Variants in SUMF1 observed in about 807,000 individuals in gnomAD.
The protein encoded by SUMF1 is formylglycine-generating enzyme.
Under a neutral mutation model 47.6 loss-of-function variants are expected in SUMF1, and 48 were observed. The ratio of observed to expected loss-of-function variants is 1.01; its 90% CI spans 0.80 to 1.28. SUMF1 has a LOEUF of 1.28. Among genes scored for constraint, SUMF1 ranks in the 50% most tolerant of loss-of-function variants. SUMF1 has a pLI of 0.00. For missense variants in SUMF1, 571 were observed against 485.4 expected, an observed-to-expected ratio of 1.18 and a Z score of -1.66; for synonymous variants, 230 against 192.1, an observed-to-expected ratio of 1.20 and a Z score of -1.63.
intron 8 of SUMF1, among the ~76,000 whole-genome samples, chr3:4,300,989 A>C (rs1697950517): frequency 7.9e-6 from 1 of 126,992 alleles, no homozygotes; most frequent in African/African-American, 3.1e-5. Flanking sequence ...TTCTCTATCT[A>C]TCTATCTCCC....
chr3:4,050,748 CAAAAA>C (rs34228101), intron 9 of SUMF1, among the ~76,000 whole-genome samples: 8 of 86,984 alleles, frequency 9.2e-5, no homozygotes, highest in Admixed American at 1.3e-4. Context: ...GACCCTGTCT[CAAAAA>C]AAAAAAAAAA....
intron 8 of SUMF1, among the ~76,000 whole-genome samples, chr3:4,149,144 T>A (rs1288661199): frequency 6.6e-6 from 1 of 152,116 alleles, no homozygotes; most frequent in East Asian, 1.9e-4. Flanking sequence ...CGTTTTGCCC[T>A]ACAGAGAGGT....
chr3:4,036,849 C>CAAAAAAAAAAAAAAAAA, intron 9 of SUMF1, among the ~76,000 whole-genome samples: 1 of 75,144 alleles, frequency 1.3e-5, no homozygotes. Flanking sequence ...GTCAGTGAGG[C>CAAAAAAAAAAAAAAAAA]AAAAAAAAAA....
intron 7 of SUMF1, among the ~76,000 whole-genome samples, chr3:4,398,427 CA>C (rs1298439958): frequency 6.6e-6 from 1 of 151,880 alleles, no homozygotes; most frequent in Non-Finnish European, 1.5e-5. Context: ...AATTTGGTAA[CA>C]AAAAAAGATA....
At chr3:4,071,733 C>G (rs1489998694) in intron 8 of SUMF1, among the ~76,000 whole-genome samples, 1 of 152,200 alleles carries the variant, frequency 6.6e-6, no homozygotes, top group African/African-American at 2.4e-5. Context: ...GCAAGGCTGA[C>G]TGCCTCTCTA....
intron 8 of SUMF1, among the ~76,000 whole-genome samples, chr3:4,072,535 A>C (rs111594297): frequency 0.1 from 15,324 of 152,004 alleles, 1,553 homozygotes; most frequent in African/African-American, 0.23. Flanking sequence ...CAAACTTATC[A>C]GAGCTAAAGG....
At chr3:4,374,799 T>A (rs1416863920) in intron 8 of SUMF1, among the ~76,000 whole-genome samples, 1 of 152,138 alleles carries the variant, frequency 6.6e-6, no homozygotes, top group East Asian at 1.9e-4. Context: ...GATTAAAGAC[T>A]CTGATGTATA....
Position 4,254,383 on chromosome 3 carries a change from G to T in SUMF1, c.1014+121947C>A, listed in dbSNP as rs1270913859. The stretch of plus-strand genomic sequence containing the variant: ...ACTTTGAAAAAAAATTTAGAAGAAT[G>T]TATAACTAGAATAACCAATACAGAG... On this transcript the variant is annotated intron_variant and NMD_transcript_variant, in intron 8 of 12. Coordinates refer to the SUMF1 transcript ENST00000448413. 1.3e-4 allele frequency among the ~76,000 whole-genome samples: 20 copies of T among 151,242 alleles called. No individual in the cohort carries two copies. The Middle Eastern group carries it at 0.01, about 77-fold the overall frequency.
chr3:4,091,937 C>A (rs557453136), intron 8 of SUMF1, among the ~76,000 whole-genome samples: 21 of 151,912 alleles, frequency 1.4e-4, no homozygotes, highest in Non-Finnish European at 2.6e-4. Flanking sequence ...TACTTGGACC[C>A]CCCTCAAAGG....
intron 8 of SUMF1, chr3:4,317,300 C>A: frequency 8.0e-7 from 1 of 1,249,540 alleles, no homozygotes; most frequent in Non-Finnish European, 1.1e-6. Flanking sequence ...TCCAAAACCG[C>A]AGTTAGTTTT....
intron 8 of SUMF1, among the ~76,000 whole-genome samples, chr3:4,200,814 G>T (rs1278342912): frequency 6.6e-6 from 1 of 152,050 alleles, no homozygotes; most frequent in Non-Finnish European, 1.5e-5. Context: ...ATGTTTTTCT[G>T]CTGAATTACC....
chr3:4,112,237 G>T (rs1375741214), intron 8 of SUMF1, among the ~76,000 whole-genome samples: 1 of 152,104 alleles, frequency 6.6e-6, no homozygotes, highest in Non-Finnish European at 1.5e-5. Flanking sequence ...TAGTACACCA[G>T]ATACATAAAA....
intron 8 of SUMF1, among the ~76,000 whole-genome samples, chr3:4,143,598 A>G (rs1010996309): frequency 1.9e-4 from 29 of 152,144 alleles, no homozygotes; most frequent in African/African-American, 7.0e-4. Context: ...CTCTCTGTGA[A>G]CTAAAAACCC....
intron 8 of SUMF1, among the ~76,000 whole-genome samples, chr3:4,234,711 A>C (rs1696372014): frequency 6.6e-6 from 1 of 152,144 alleles, no homozygotes; most frequent in Non-Finnish European, 1.5e-5. Context: ...GGAGAAGGGA[A>C]TATCTCAGCC....
intron 3 of SUMF1, among the ~76,000 whole-genome samples, chr3:4,421,084 C>T: frequency 6.6e-6 from 1 of 152,188 alleles, no homozygotes; most frequent in Non-Finnish European, 1.5e-5. Flanking sequence ...TTAACTCCTA[C>T]TTTATGGTTC....
chr3:4,216,308 T>C (rs1695922409), intron 8 of SUMF1, among the ~76,000 whole-genome samples: 1 of 152,216 alleles, frequency 6.6e-6, no homozygotes, highest in Admixed American at 6.5e-5. Context: ...CCCTATTTAA[T>C]GAATGGTGTT....
At chr3:4,372,806 T>A (rs1416622347) in intron 8 of SUMF1, among the ~76,000 whole-genome samples, 3 of 152,256 alleles carry the variant, frequency 2.0e-5, no homozygotes, top group Non-Finnish European at 4.4e-5. Context: ...TAGTAAAAGC[T>A]GTTACTCTTC....
chr3:4,365,306 G>C (rs1699915128), intron 8 of SUMF1, among the ~76,000 whole-genome samples: 1 of 122,136 alleles, frequency 8.2e-6, no homozygotes, highest in African/African-American at 2.8e-5. Context: ...GTCTAATGTT[G>C]ACAGTGGGGT....
At chr3:4,412,884 G>A (rs974839015) in intron 6 of SUMF1, among the ~76,000 whole-genome samples, 5 of 152,240 alleles carry the variant, frequency 3.3e-5, no homozygotes, top group South Asian at 2.1e-4. Context: ...GCGAGATTAC[G>A]TCTCAAACAA....
Sources: gnomAD v4.1 joint callset for allele counts (sites outside exome capture counted in the v4.1 genomes callset) on GRCh38, gnomAD v4.1.1 for gene constraint, MANE v1.5 for transcripts, NCBI Gene and HGNC (gene_info 2026-07-23, HGNC 2026-07-21) for gene names.